The following HACD2 variants were observed in gnomAD, a reference collection of about 807,000 sequenced individuals.
The protein encoded by HACD2 is very-long-chain (3R)-3-hydroxyacyl-CoA dehydratase 2.
In HACD2, 15 loss-of-function variants were observed where a neutral mutation model predicts 31.0. The observed-to-expected ratio is 0.48, with a 90% CI of 0.32 to 0.75. HACD2 has a LOEUF of 0.75. Ranked by LOEUF, HACD2 falls within the 30% of genes least tolerant of loss-of-function variation. The probability of loss-of-function intolerance (pLI) is 0.03; values close to 1 mark genes in which losing one functional copy is unlikely to be tolerated. For synonymous variants in HACD2, 115 were observed against 122.2 expected (o/e 0.94, Z 0.39); for missense variants, 283 against 313.0 (o/e 0.90, Z 0.72).
chr3:123,583,027 C>T (rs562648746), intron 1 of HACD2, among the ~76,000 whole-genome samples: 1 of 152,162 alleles, frequency 6.6e-6, no homozygotes, highest in African/African-American at 2.4e-5. Context: ...ACAAATGGAC[C>T]TTTTTATTAA....
chr3:123,508,539 A>G (rs551564718), intron 4 of HACD2, among the ~76,000 whole-genome samples: 2 of 152,362 alleles, frequency 1.3e-5, no homozygotes, highest in East Asian at 1.9e-4. Flanking sequence ...ATGGTGCCAC[A>G]TAAGAAAACC....
intron 6 of HACD2, among the ~76,000 whole-genome samples, chr3:123,495,711 TG>T (rs1430580370): frequency 6.6e-6 from 1 of 152,168 alleles, no homozygotes; most frequent in Non-Finnish European, 1.5e-5. Flanking sequence ...CTCAAATGAA[TG>T]GGATAGTACT....
At chr3:123,577,046 C>T (rs2056914837) in intron 2 of HACD2, among the ~76,000 whole-genome samples, 1 of 152,066 alleles carries the variant, frequency 6.6e-6, no homozygotes, top group Admixed American at 6.6e-5. Flanking sequence ...TAGATCAATT[C>T]CAGGACACGA....
chr3:123,557,388 C>T (rs75754775), intron 3 of HACD2, among the ~76,000 whole-genome samples: 5,219 of 152,266 alleles, frequency 0.034, 90 homozygotes, highest in Middle Eastern at 0.088. Context: ...TGGACCGCTG[C>T]CTTAAAAGAT....
intron 4 of HACD2, among the ~76,000 whole-genome samples, chr3:123,513,646 C>T (rs1018103724): frequency 3.1e-4 from 47 of 152,180 alleles, no homozygotes; most frequent in African/African-American, 9.9e-4. Flanking sequence ...GACAAAGAAA[C>T]ATCACACGGA....
At chr3:123,506,143 CT>C (rs1411301803) in intron 4 of HACD2, among the ~76,000 whole-genome samples, 5 of 152,218 alleles carry the variant, frequency 3.3e-5, no homozygotes, top group Non-Finnish European at 5.9e-5. Flanking sequence ...TGGGTAGAGG[CT>C]TTGATAATCT....
chr3:123,570,917 T>TACACACAC (rs149856963), intron 2 of HACD2, among the ~76,000 whole-genome samples: 14,641 of 144,732 alleles, frequency 0.1, 1,115 homozygotes, highest in African/African-American at 0.22. Context: ...TTCATACCAT[T>TACACACAC]ACACACACAC....
intron 3 of HACD2, among the ~76,000 whole-genome samples, chr3:123,551,621 A>G (rs998599131): frequency 1.3e-5 from 2 of 151,620 alleles, no homozygotes; most frequent in Non-Finnish European, 2.9e-5. Context: ...AGACTGTCTC[A>G]AAAAAAGAAA....
intron 3 of HACD2, among the ~76,000 whole-genome samples, chr3:123,550,086 A>C (rs7630208): frequency 0.057 from 8,628 of 152,242 alleles, 811 homozygotes; most frequent in African/African-American, 0.2. Context: ...AGGCAGGAGA[A>C]TTAATTGAGG....
chr3:123,530,363 C>T (rs965471562), intron 3 of HACD2, among the ~76,000 whole-genome samples: 3 of 151,956 alleles, frequency 2.0e-5, no homozygotes, highest in South Asian at 2.1e-4. Context: ...GCCATCCTCT[C>T]GCCTCAGCGT....
intron 5 of HACD2, 80 bp from the exon 6 acceptor site, chr3:123,500,773 G>T: frequency 1.3e-6 from 1 of 779,578 alleles, no homozygotes; most frequent in Non-Finnish European, 2.0e-6. Flanking sequence ...CTTCTAATCA[G>T]TACTGGTCTT....
intron 3 of HACD2, among the ~76,000 whole-genome samples, chr3:123,536,596 T>C (rs2056429185): frequency 6.6e-6 from 1 of 152,134 alleles, no homozygotes; most frequent in South Asian, 2.1e-4. Context: ...ATGAAAAAAC[T>C]AAATCTGCAC....
chr3:123,574,330 G>T (rs2056886149), intron 2 of HACD2, among the ~76,000 whole-genome samples: 1 of 152,160 alleles, frequency 6.6e-6, no homozygotes, highest in African/African-American at 2.4e-5. Flanking sequence ...AAGCTGGTTT[G>T]TCCCTTAGTA....
intron 3 of HACD2, among the ~76,000 whole-genome samples, chr3:123,553,749 G>C (rs2107733885): frequency 6.6e-6 from 1 of 152,258 alleles, no homozygotes; most frequent in African/African-American, 2.4e-5. Context: ...ATGGAGAACT[G>C]ATGCAAATGA....
chr3:123,500,496 C>T lies in HACD2; in HGVS notation c.682+19G>A, dbSNP rs374490476. 81 of 1,525,618 alleles carry T rather than the reference C, an allele frequency of 5.3e-5. No individual in the cohort carries two copies. Among genetic ancestry groups the T allele is most frequent in the Non-Finnish European group, 6.0e-5 (67 of 1,112,312 alleles). The allele number at this position is 1,525,618 out of a possible 1,614,324, so 94.5% of individuals were successfully genotyped here. ...AAATTTTAAAACATAATTAAATATA[C>T]GCATAACTGTTTACTTACTTGGAAT... On this transcript the variant is annotated intron_variant, in intron 6 of 6. Transcript: ENST00000383657.
chr3:123,523,659 G>C (rs1218001983), intron 4 of HACD2, among the ~76,000 whole-genome samples: 1 of 152,172 alleles, frequency 6.6e-6, no homozygotes, highest in Non-Finnish European at 1.5e-5. Flanking sequence ...AACTGTCCAG[G>C]TGAGGTGACA....
chr3:123,578,976 G>C (rs903234493), intron 2 of HACD2, among the ~76,000 whole-genome samples: 5 of 152,164 alleles, frequency 3.3e-5, no homozygotes, highest in African/African-American at 1.2e-4. Flanking sequence ...CAGTCCAAGG[G>C]ATTACTTCCA....
chr3:123,579,422 A>T (rs1055812661), intron 2 of HACD2, among the ~76,000 whole-genome samples: 5 of 151,810 alleles, frequency 3.3e-5, no homozygotes, highest in Non-Finnish European at 7.4e-5. Flanking sequence ...TCAGCCTCCC[A>T]AGTAGCTGGG....
intron 4 of HACD2, among the ~76,000 whole-genome samples, chr3:123,521,553 A>C (rs1317121380): frequency 6.6e-6 from 1 of 151,932 alleles, no homozygotes; most frequent in Non-Finnish European, 1.5e-5. Flanking sequence ...TAGAATTGAC[A>C]ACTAGGAATG....
Sources: gnomAD v4.1 joint callset for allele counts (sites outside exome capture counted in the v4.1 genomes callset) on GRCh38, gnomAD v4.1.1 for gene constraint, MANE v1.5 for transcripts, NCBI Gene and HGNC (gene_info 2026-07-23, HGNC 2026-07-21) for gene names.